The following NALF1 variants were observed in gnomAD, a reference collection of about 807,000 sequenced individuals.
NALF1 encodes the protein NALCN channel auxiliary factor 1, also known as family with sequence similarity 155 member A.
In NALF1, 3 loss-of-function variants were observed where a neutral mutation model predicts 48.4. The observed-to-expected ratio is 0.06, with a 90% CI of 0.03 to 0.16. NALF1 has a LOEUF of 0.16. Among genes scored for constraint, NALF1 ranks in the 10% least tolerant of loss-of-function variants. The probability of loss-of-function intolerance (pLI) is 1.00; values close to 1 mark genes in which losing one functional copy is unlikely to be tolerated. For missense variants in NALF1, 526 were observed against 571.5 expected, an observed-to-expected ratio of 0.92 and a Z score of 0.81; for synonymous variants, 262 against 245.7, an observed-to-expected ratio of 1.07 and a Z score of -0.62.
At chr13:107,432,500 C>T (rs1884398763) in intron 1 of NALF1, among the ~76,000 whole-genome samples, 1 of 152,130 alleles carries the variant, frequency 6.6e-6, no homozygotes, top group African/African-American at 2.4e-5. Flanking sequence ...GTCAGAGTCT[C>T]CAGGGCAGGA....
chr13:107,610,812 A>C (rs899020673), intron 1 of NALF1, among the ~76,000 whole-genome samples: 1 of 152,178 alleles, frequency 6.6e-6, no homozygotes, highest in Non-Finnish European at 1.5e-5. Flanking sequence ...TAAGAATATT[A>C]TTTGAGGATG....
chr13:107,442,567 C>A (rs914570330), intron 1 of NALF1, among the ~76,000 whole-genome samples: 1 of 152,082 alleles, frequency 6.6e-6, no homozygotes, highest in Non-Finnish European at 1.5e-5. Context: ...TTTTTAAAGA[C>A]AAAGATACCT....
chr13:107,251,564 G>C (rs376064398), intron 1 of NALF1, among the ~76,000 whole-genome samples: 1 of 152,186 alleles, frequency 6.6e-6, no homozygotes, highest in Admixed American at 6.5e-5. Flanking sequence ...CTCGGAGACG[G>C]GTGGCAAGGA....
chr13:107,345,056 G>A (rs1666599571), intron 1 of NALF1, among the ~76,000 whole-genome samples: 1 of 151,660 alleles, frequency 6.6e-6, no homozygotes, highest in African/African-American at 2.4e-5. Flanking sequence ...ACCTAAAAAT[G>A]AAGAACAATC....
At chr13:107,857,064 C>A (rs1382467843) in intron 1 of NALF1, among the ~76,000 whole-genome samples, 1 of 152,192 alleles carries the variant, frequency 6.6e-6, no homozygotes, top group African/African-American at 2.4e-5. Context: ...AGTTAAAGAA[C>A]CTTGCTGTGT....
At chr13:107,714,878 T>A (rs1875705256) in intron 1 of NALF1, among the ~76,000 whole-genome samples, 2 of 152,288 alleles carry the variant, frequency 1.3e-5, no homozygotes, top group South Asian at 2.1e-4. Flanking sequence ...AACCAGGTTA[T>A]ACCATAAACA....
chr13:107,852,450 C>T (rs1430815113), intron 1 of NALF1, among the ~76,000 whole-genome samples: 6 of 152,192 alleles, frequency 3.9e-5, no homozygotes, highest in African/African-American at 1.2e-4. Context: ...CCATGCAGTA[C>T]ACAACACTTG....
chr13:107,243,733 G>T (rs756549496), intron 1 of NALF1, among the ~76,000 whole-genome samples: 1 of 151,868 alleles, frequency 6.6e-6, no homozygotes, highest in South Asian at 2.1e-4. Context: ...TTTATCTATC[G>T]TGTTAGATAA....
At chr13:107,762,536 G>T (rs1057051943) in intron 1 of NALF1, among the ~76,000 whole-genome samples, 6 of 152,172 alleles carry the variant, frequency 3.9e-5, no homozygotes, top group South Asian at 2.1e-4. Context: ...TGGGATCTAT[G>T]ATGGGAACTA....
chr13:107,326,005 A>ATG (rs969730381), intron 1 of NALF1, among the ~76,000 whole-genome samples: 13 of 149,322 alleles, frequency 8.7e-5, no homozygotes, highest in East Asian at 3.9e-4. Flanking sequence ...ATATATGTAT[A>ATG]TGTGTGTGTG....
At chr13:107,647,083 A>G (rs1880333096) in intron 1 of NALF1, among the ~76,000 whole-genome samples, 1 of 152,092 alleles carries the variant, frequency 6.6e-6, no homozygotes, top group Non-Finnish European at 1.5e-5. Context: ...GAAATATCCT[A>G]AAGAGACTGG....
intron 1 of NALF1, among the ~76,000 whole-genome samples, chr13:107,606,820 G>A (rs910999656): frequency 6.6e-6 from 1 of 152,086 alleles, no homozygotes; most frequent in African/African-American, 2.4e-5. Flanking sequence ...ATATTACTGA[G>A]GCACCAGTGA....
chr13:107,519,805 G>A (rs1876177214), intron 1 of NALF1, among the ~76,000 whole-genome samples: 2 of 152,144 alleles, frequency 1.3e-5, no homozygotes, highest in Admixed American at 6.6e-5. Context: ...AGCAAGTAGA[G>A]AGAAAAGAAG....
intron 1 of NALF1, among the ~76,000 whole-genome samples, chr13:107,489,164 C>A (rs1035595691): frequency 2.6e-5 from 4 of 152,128 alleles, no homozygotes; most frequent in African/African-American, 9.7e-5. Context: ...ATTCCATGCT[C>A]ATGGATAGAA....
chr13:107,288,605 C>A (rs1881552161), intron 1 of NALF1, among the ~76,000 whole-genome samples: 2 of 148,190 alleles, frequency 1.3e-5, no homozygotes, highest in Non-Finnish European at 3.0e-5. Flanking sequence ...GATCTCTGCT[C>A]CCTGCAACCT....
intron 1 of NALF1, among the ~76,000 whole-genome samples, chr13:107,726,913 TTGTGTGTGTGTG>T (rs1171461096): frequency 4.0e-4 from 50 of 126,482 alleles, no homozygotes; most frequent in South Asian, 1.4e-3. Context: ...CGGCAAATTC[TTGTGTGTGTGTG>T]TGTGTGTGTG....
At position 107,784,544 on chromosome 13, in the gene NALF1, AAAAC is replaced by A. The variant is rs554128004; in HGVS notation, c.915+81134_915+81137del. On this transcript the variant is annotated intron_variant, in intron 1 of 2. Coordinates refer to ENST00000375915, the MANE Select transcript of NALF1 (RefSeq NM_001080396.3). ...AAAAAGAGGTTGCTCCAGTAGGAAA[AAAAC>A]AAACAAACAAACAAACAATTCCCTC... Among the ~76,000 whole-genome samples, 927 of 152,280 alleles carry A rather than the reference AAAAC, an allele frequency of 6.1e-3. 8 individuals carry two copies. Among genetic ancestry groups the A allele is most frequent in the Admixed American group, 0.022 (340 of 15,300 alleles).
At chr13:107,653,124 T>C (rs915560619) in intron 1 of NALF1, among the ~76,000 whole-genome samples, 2 of 152,140 alleles carry the variant, frequency 1.3e-5, no homozygotes, top group Middle Eastern at 3.4e-3. Flanking sequence ...TGAACAAAAA[T>C]GAACATTTTT....
chr13:107,466,516 C>A (rs925044382), intron 1 of NALF1: 1 of 152,218 alleles, frequency 6.6e-6, no homozygotes, highest in Non-Finnish European at 1.5e-5. Context: ...AGTGACTCAT[C>A]TGGGGAGAAT....
Sources: gnomAD v4.1 joint callset for allele counts (sites outside exome capture counted in the v4.1 genomes callset) on GRCh38, gnomAD v4.1.1 for gene constraint, MANE v1.5 for transcripts, NCBI Gene and HGNC (gene_info 2026-07-23, HGNC 2026-07-21) for gene names.